Variants in MAGI2 observed in about 807,000 individuals in gnomAD.
MAGI2 encodes the protein membrane associated guanylate kinase, WW and PDZ domain containing 2.
A neutral mutation model predicts 133.3 loss-of-function variants in MAGI2; 35 were observed. That is an observed-to-expected ratio of 0.26 (90% CI 0.20 to 0.35). MAGI2 has a LOEUF of 0.35. Among genes scored for constraint, MAGI2 ranks in the 10% least tolerant of loss-of-function variants. The pLI, the probability that MAGI2 is intolerant of heterozygous loss-of-function variation, is 1.00. For missense variants in MAGI2, 1,636 were observed against 1,863.4 expected (o/e 0.88, Z 2.25); for synonymous variants, 729 against 710.6 (o/e 1.03, Z -0.41).
chr7:78,955,502 GA>G (rs1476483400), intron 2 of MAGI2, among the ~76,000 whole-genome samples: 1 of 151,766 alleles, frequency 6.6e-6, no homozygotes, highest in East Asian at 1.9e-4. Context: ...TCTGAAGTCG[GA>G]AAAAAATAAG....
intron 1 of MAGI2, among the ~76,000 whole-genome samples, chr7:79,140,069 C>T (rs1287728227): frequency 1.3e-5 from 2 of 152,162 alleles, no homozygotes; most frequent in Non-Finnish European, 2.9e-5. Context: ...ATACATCTGA[C>T]ATCCCCTTTA....
intron 1 of MAGI2, chr7:79,012,352 C>T (rs755427121): frequency 1.4e-4 from 21 of 152,116 alleles, no homozygotes; most frequent in Non-Finnish European, 2.1e-4. Context: ...GTTGGCCTTC[C>T]TATGATCTTT....
intron 6 of MAGI2, among the ~76,000 whole-genome samples, chr7:78,442,282 A>G (rs1350369226): frequency 1.3e-5 from 2 of 152,212 alleles, no homozygotes; most frequent in Non-Finnish European, 2.9e-5. Context: ...TATCTGATTG[A>G]AAATCATTTG....
chr7:79,289,885 T>A (rs10232677), intron 1 of MAGI2, among the ~76,000 whole-genome samples: 57,305 of 151,880 alleles, frequency 0.38, 12,006 homozygotes, highest in African/African-American at 0.54. Context: ...AAAAAAAATT[T>A]AAAAAATAAA....
At chr7:79,401,081 A>T (rs1443922807) in intron 1 of MAGI2, among the ~76,000 whole-genome samples, 1 of 152,176 alleles carries the variant, frequency 6.6e-6, no homozygotes, top group East Asian at 1.9e-4. Flanking sequence ...ATTTTCAAAG[A>T]TTTTTACATC....
At chr7:78,964,576 CA>C (rs1803143602) in intron 2 of MAGI2, among the ~76,000 whole-genome samples, 1 of 151,954 alleles carries the variant, frequency 6.6e-6, no homozygotes, top group African/African-American at 2.4e-5. Context: ...GCACTGGGTT[CA>C]ACAGGAAGAT....
At chr7:79,061,546 T>C (rs1266963640) in intron 1 of MAGI2, among the ~76,000 whole-genome samples, 6 of 151,826 alleles carry the variant, frequency 4.0e-5, no homozygotes, top group Non-Finnish European at 5.9e-5. Flanking sequence ...AGCTCTGAAG[T>C]TTTTTTTGAG....
Position 78,582,725 on chromosome 7 carries a change from T to C in MAGI2, c.538+44395A>G, listed in dbSNP as rs546939857. 1.5e-4 allele frequency among the ~76,000 whole-genome samples: 23 copies of C among 152,336 alleles called. No homozygotes were observed. The South Asian group carries it at 3.9e-3, about 26-fold the overall frequency. On this transcript the variant is annotated intron_variant, in intron 3 of 21. Transcript: ENST00000354212. The stretch of plus-strand genomic sequence containing the variant: ...CTTAACACTATGATTTCAGGACACA[T>C]TTGTTACGGCAGCTAGCATTAAGTT...
At chr7:78,711,681 T>A (rs531869359) in intron 2 of MAGI2, among the ~76,000 whole-genome samples, 3 of 152,206 alleles carry the variant, frequency 2.0e-5, no homozygotes, top group East Asian at 3.9e-4. Context: ...TGGCATATCT[T>A]CTCCAGAGAC....
Position 78,286,998 on chromosome 7 carries a change from T to C in MAGI2, c.1409-30417A>G, listed in dbSNP as rs1376788201. 6.6e-5 allele frequency among the ~76,000 whole-genome samples: 10 copies of C among 152,290 alleles called. No individual in the cohort carries two copies. In the East Asian group the frequency reaches 1.7e-3, roughly 26 times the overall value. On this transcript the variant is annotated intron_variant, in intron 9 of 21. Coordinates refer to ENST00000354212, the MANE Select transcript of MAGI2 (RefSeq NM_012301.4). ...GGCTGCACATGGTAAGTTGGGACTT[T>C]ATAGTGGAGGACATTGTATTCCAGG...
intron 1 of MAGI2, among the ~76,000 whole-genome samples, chr7:79,375,289 T>C (rs1843308476): frequency 6.6e-6 from 1 of 152,070 alleles, no homozygotes; most frequent in African/African-American, 2.4e-5. Flanking sequence ...GGTCTCTAGA[T>C]TGTGCATTCA....
intron 1 of MAGI2, among the ~76,000 whole-genome samples, chr7:79,204,288 C>T (rs548179104): frequency 5.5e-4 from 84 of 152,190 alleles, no homozygotes; most frequent in African/African-American, 1.9e-3. Context: ...AAACTATGAC[C>T]TGCACCATGG....
chr7:78,864,591 T>C (rs747617019), intron 2 of MAGI2, among the ~76,000 whole-genome samples: 100 of 152,212 alleles, frequency 6.6e-4, no homozygotes, highest in Non-Finnish European at 1.2e-3. Context: ...CTTGTCTGCA[T>C]TCCATTTTCT....
At chr7:78,534,339 C>A (rs559938895) in intron 3 of MAGI2, among the ~76,000 whole-genome samples, 1 of 152,308 alleles carries the variant, frequency 6.6e-6, no homozygotes, top group East Asian at 1.9e-4. Context: ...AAATACAGAT[C>A]TTTAGGAAAT....
chr7:78,105,854 G>C (rs556772320), intron 20 of MAGI2, among the ~76,000 whole-genome samples: 13 of 151,882 alleles, frequency 8.6e-5, no homozygotes, highest in Admixed American at 2.0e-4. Flanking sequence ...TCATTTCTTT[G>C]TATCAGAAAC....
At chr7:79,322,658 C>T (rs1041766021) in intron 1 of MAGI2, among the ~76,000 whole-genome samples, 6 of 151,792 alleles carry the variant, frequency 4.0e-5, no homozygotes, top group Middle Eastern at 3.4e-3. Flanking sequence ...TAGTTGTGCA[C>T]GCCTGTAGTC....
At chr7:78,201,508 T>C (rs535477430) in intron 10 of MAGI2, among the ~76,000 whole-genome samples, 2 of 152,312 alleles carry the variant, frequency 1.3e-5, no homozygotes, top group South Asian at 2.1e-4. Context: ...GGATTTCTAT[T>C]GCACAGCCTT....
At chr7:78,934,806 T>C (rs1011312555) in intron 2 of MAGI2, among the ~76,000 whole-genome samples, 2 of 152,278 alleles carry the variant, frequency 1.3e-5, no homozygotes, top group African/African-American at 2.4e-5. Context: ...GATGCTCAAA[T>C]CTGTACCTAA....
chr7:78,429,670 AAAG>A (rs1392730823), intron 6 of MAGI2, among the ~76,000 whole-genome samples: 17 of 152,138 alleles, frequency 1.1e-4, no homozygotes, highest in Admixed American at 3.3e-4. Flanking sequence ...AAGGCACAAA[AAAG>A]AAGGCTTTTT....
Sources: allele counts gnomAD v4.1 joint callset (sites outside exome capture counted in the v4.1 genomes callset), GRCh38; gene constraint gnomAD v4.1.1; transcripts MANE v1.5; gene names NCBI Gene and HGNC (gene_info 2026-07-23, HGNC 2026-07-21).